The following ANKRD45 variants were observed in gnomAD, a reference collection of about 807,000 sequenced individuals.
ANKRD45 encodes ankyrin repeat domain 45, also known as ankyrin repeat domain-containing protein 45.
Under a neutral mutation model 28.1 loss-of-function variants are expected in ANKRD45, and 21 were observed. The ratio of observed to expected loss-of-function variants is 0.75; its 90% CI spans 0.53 to 1.08. The LOEUF is 1.08. Ranked by LOEUF, ANKRD45 falls within the 50% of genes least tolerant of loss-of-function variation. The pLI is 0.00. For missense variants in ANKRD45, 261 were observed against 308.7 expected (o/e 0.85, Z 1.16); for synonymous variants, 86 against 103.9 (o/e 0.83, Z 1.05).
chr1:173,708,881 C>T, the ANKRD45 span, among the ~76,000 whole-genome samples: 2 of 152,202 alleles, frequency 1.3e-5, no homozygotes, highest in Non-Finnish European at 1.5e-5. Context: ...ACTGGGACCC[C>T]GGTCTTCTAG....
chr1:173,626,943 G>A, intron 4 of ANKRD45, 122 bp downstream of exon 4: 1 of 627,918 alleles, frequency 1.6e-6, no homozygotes, highest in Non-Finnish European at 2.8e-6. Context: ...AAGAAGGAAA[G>A]AAAGAGGGAG....
chr1:173,652,596 T>C (rs984137671), intron 2 of ANKRD45, among the ~76,000 whole-genome samples: 1 of 152,234 alleles, frequency 6.6e-6, no homozygotes, highest in African/African-American at 2.4e-5. Flanking sequence ...GGTATCAGGA[T>C]GACGCTGACA....
chr1:173,665,772 A>C (rs980356396), intron 1 of ANKRD45, among the ~76,000 whole-genome samples: 8 of 152,030 alleles, frequency 5.3e-5, no homozygotes, highest in African/African-American at 1.9e-4. Flanking sequence ...AGTTTGGGGG[A>C]CTGAGGTGAG....
chr1:173,647,805 C>T (rs56848623), intron 2 of ANKRD45, among the ~76,000 whole-genome samples: 25,665 of 151,910 alleles, frequency 0.17, 7,225 homozygotes, highest in African/African-American at 0.59. Flanking sequence ...ACTGTTTTTT[C>T]AGACAGGTCT....
chr1:173,694,066 A>G, the ANKRD45 span, among the ~76,000 whole-genome samples: 1 of 152,338 alleles, frequency 6.6e-6, no homozygotes, highest in African/African-American at 2.4e-5. Context: ...CCAGGGAAAT[A>G]GCACTGTCTA....
At chr1:173,651,238 A>C (rs572298076) in intron 2 of ANKRD45, among the ~76,000 whole-genome samples, 27 of 152,322 alleles carry the variant, frequency 1.8e-4, no homozygotes, top group African/African-American at 5.8e-4. Flanking sequence ...CTAACATTTA[A>C]ATCTTTAATC....
chr1:173,621,650 C>A (rs1418532819), intron 5 of ANKRD45, among the ~76,000 whole-genome samples: 1 of 152,042 alleles, frequency 6.6e-6, no homozygotes, highest in Non-Finnish European at 1.5e-5. Flanking sequence ...ATTGAAGGAA[C>A]ATACCTCAAA....
At chr1:173,652,392 ATTATGT>A (rs1451993897) in intron 2 of ANKRD45, among the ~76,000 whole-genome samples, 5 of 152,028 alleles carry the variant, frequency 3.3e-5, no homozygotes, top group Non-Finnish European at 7.4e-5. Context: ...TATGTGATGG[ATTATGT>A]TTATTGATTT....
intron 5 of ANKRD45, among the ~76,000 whole-genome samples, chr1:173,624,439 A>G (rs1402834558): frequency 1.3e-5 from 2 of 151,930 alleles, no homozygotes; most frequent in Non-Finnish European, 1.5e-5. Context: ...GTAAGCTACA[A>G]TCACACCACT....
intron 3 of ANKRD45, among the ~76,000 whole-genome samples, chr1:173,640,827 T>C (rs1403324492): frequency 6.6e-6 from 1 of 152,192 alleles, no homozygotes. Context: ...ACTATGTCCT[T>C]TGAACTACTC....
chr1:173,612,319 AGAAG>A (rs200258529), intron 5 of ANKRD45, among the ~76,000 whole-genome samples: 20,108 of 130,190 alleles, frequency 0.15, 1,796 homozygotes, highest in South Asian at 0.22. Flanking sequence ...AAGGAAGGAA[AGAAG>A]GAAGGAAGGA....
intron 1 of ANKRD45, chr1:173,669,401 A>C: frequency 2.4e-6 from 1 of 409,474 alleles, no homozygotes; most frequent in Admixed American, 2.8e-5. Flanking sequence ...TTTTCTTCAA[A>C]AAAAAAAAAA....
chr1:173,612,924 A>G (rs1365623136), intron 5 of ANKRD45, among the ~76,000 whole-genome samples: 1 of 152,182 alleles, frequency 6.6e-6, no homozygotes, highest in Non-Finnish European at 1.5e-5. Context: ...GTGCAGTGGC[A>G]TGATCTCGGC....
At chr1:173,610,427 A>C (rs1186074832) in intron 5 of ANKRD45, among the ~76,000 whole-genome samples, 1 of 152,182 alleles carries the variant, frequency 6.6e-6, no homozygotes, top group African/African-American at 2.4e-5. Flanking sequence ...CCATATAATC[A>C]GTATTATTGT....
the ANKRD45 span, among the ~76,000 whole-genome samples, chr1:173,692,834 T>C: frequency 2.0e-5 from 3 of 152,202 alleles, no homozygotes; most frequent in Non-Finnish European, 4.4e-5. Flanking sequence ...TCAGGTTTTC[T>C]GGGGAATCAG....
chr1:173,612,801 C>T (rs563519047), intron 5 of ANKRD45: 15 of 157,136 alleles, frequency 9.5e-5, no homozygotes, highest in South Asian at 3.7e-4. Flanking sequence ...CTGTGTTGGC[C>T]GGGCTGGTCT....
chr1:173,682,709 A>G, the ANKRD45 span, among the ~76,000 whole-genome samples: 1 of 151,980 alleles, frequency 6.6e-6, no homozygotes, highest in Non-Finnish European at 1.5e-5. Flanking sequence ...ACACACACAC[A>G]CACACACACA....
chr1:173,629,817 T>C (rs972475294), intron 3 of ANKRD45, among the ~76,000 whole-genome samples: 2 of 152,042 alleles, frequency 1.3e-5, no homozygotes, highest in Non-Finnish European at 2.9e-5. Context: ...TACTAGAAGA[T>C]TATAGAACAC....
chr1:173,678,032 AAG>A, the ANKRD45 span, among the ~76,000 whole-genome samples: 1 of 152,172 alleles, frequency 6.6e-6, no homozygotes, highest in African/African-American at 2.4e-5. Context: ...CATGAGTTGA[AAG>A]AGAGCTTTAT....
Sources: allele counts gnomAD v4.1 joint callset (sites outside exome capture counted in the v4.1 genomes callset), GRCh38; gene constraint gnomAD v4.1.1; transcripts MANE v1.5; gene names NCBI Gene and HGNC (gene_info 2026-07-23, HGNC 2026-07-21).